AKAP10: variants seen among roughly 807,000 people sequenced by gnomAD.
AKAP10 encodes the protein A-kinase anchoring protein 10, also known as A-kinase anchor protein 10, mitochondrial.
A neutral mutation model predicts 80.8 loss-of-function variants in AKAP10; 24 were observed. The observed-to-expected ratio is 0.30, with a 90% CI of 0.22 to 0.42. AKAP10 has a LOEUF of 0.42. AKAP10 is among the 10% of genes least tolerant of loss of function. The probability of loss-of-function intolerance (pLI) is 1.00; values close to 1 mark genes in which losing one functional copy is unlikely to be tolerated. For synonymous variants in AKAP10, 291 were observed against 277.7 expected (o/e 1.05, Z -0.48); for missense variants, 661 against 794.9 (o/e 0.83, Z 2.03).
intron 5 of AKAP10, among the ~76,000 whole-genome samples, chr17:19,946,265 ATATATATATATTTTT>A (rs2043124946): frequency 3.6e-5 from 1 of 27,436 alleles, no homozygotes; most frequent in Non-Finnish European, 6.1e-5. Context: ...ATATATATAT[ATATATATATATTTTT>A]TTTTTTTTTT....
At chr17:19,957,328 T>C (rs1358989708) in intron 4 of AKAP10, among the ~76,000 whole-genome samples, 1 of 151,916 alleles carries the variant, frequency 6.6e-6, no homozygotes, top group Non-Finnish European at 1.5e-5. Context: ...GATCACAAAG[T>C]CAGGAGATCG....
intron 12 of AKAP10, among the ~76,000 whole-genome samples, chr17:19,913,233 A>C (rs1292438807): frequency 6.8e-6 from 1 of 146,796 alleles, no homozygotes; most frequent in Admixed American, 7.0e-5. Flanking sequence ...AGCTCATTGC[A>C]ACCTCCGCCT....
chr17:19,944,727 C>T (rs1394609304), intron 5 of AKAP10, among the ~76,000 whole-genome samples: 2 of 152,154 alleles, frequency 1.3e-5, no homozygotes, highest in Admixed American at 6.5e-5. Context: ...CACTCACTTC[C>T]AAACCATCAG....
chr17:19,922,376 G>A lies in AKAP10; in HGVS notation c.1751+2032C>T, dbSNP rs572603840. 2.6e-5 allele frequency among the ~76,000 whole-genome samples: 4 copies of A among 152,224 alleles called. No individual in the cohort carries two copies. In the East Asian group the frequency reaches 7.7e-4, roughly 29 times the overall value. ...CTTGCCTTGAGAAAAATTTCAGAAAGATGCTAAAATCATAAAACTAAAACA... is the reference window on the plus strand; with the variant it reads ...CTTGCCTTGAGAAAAATTTCAGAAAAATGCTAAAATCATAAAACTAAAACA... On this transcript the variant is annotated intron_variant, in intron 11 of 14. Coordinates refer to ENST00000225737, the MANE Select transcript of AKAP10 (RefSeq NM_007202.4).
intron 7 of AKAP10, among the ~76,000 whole-genome samples, 165 bp from the exon 8 acceptor site, chr17:19,940,014 A>G (rs893500211): frequency 2.6e-5 from 4 of 152,256 alleles, no homozygotes; most frequent in Non-Finnish European, 5.9e-5. Flanking sequence ...TTGAGATTGA[A>G]AAGTTTTAAA....
intron 4 of AKAP10, among the ~76,000 whole-genome samples, chr17:19,957,205 G>T (rs1417634200): frequency 6.6e-6 from 1 of 152,084 alleles, no homozygotes; most frequent in Non-Finnish European, 1.5e-5. Context: ...CAACCTAGAG[G>T]AAGTTACCTA....
At chr17:19,975,187 C>T (rs562635547) in intron 1 of AKAP10, among the ~76,000 whole-genome samples, 74 of 152,214 alleles carry the variant, frequency 4.9e-4, no homozygotes, top group Non-Finnish European at 9.3e-4. Context: ...CCATCATACC[C>T]AGCAATTTTT....
At chr17:19,948,852 A>G (rs1040646611) in intron 4 of AKAP10, among the ~76,000 whole-genome samples, 2 of 152,198 alleles carry the variant, frequency 1.3e-5, no homozygotes, top group Non-Finnish European at 2.9e-5. Flanking sequence ...GCACATAAGC[A>G]GATAAGATAC....
chr17:19,973,590 A>G (rs1399871456), intron 1 of AKAP10, among the ~76,000 whole-genome samples: 11 of 152,226 alleles, frequency 7.2e-5, no homozygotes, highest in East Asian at 5.8e-4. Flanking sequence ...AATATATACC[A>G]TAAGTATCAA....
Position 19,931,826 on chromosome 17 carries a change from A to C in AKAP10, c.1620T>G (p.Ser540Arg), listed in dbSNP as rs764380734. ...VGPPDESHPGSSDSSASQSSV... is the reference protein window; with the variant it reads ...VGPPDESHPGRSDSSASQSSV... Reference sequence around the variant, plus strand: ...ATACCTGAGACGCAGAGCTGTCAGAACTCCCTGGGTGAGACTCATCAGGAG... The same window carrying C: ...ATACCTGAGACGCAGAGCTGTCAGACCTCCCTGGGTGAGACTCATCAGGAG... The change falls in exon 10 of 15, where the codon AGT becomes AGG. Residue 540 changes from serine to arginine, a missense_variant. Ser to Arg is a moderately radical substitution (Grantham distance 110). Coordinates refer to ENST00000225737, the MANE Select transcript of AKAP10 (RefSeq NM_007202.4). 3 of 1,613,436 alleles carry C rather than the reference A, an allele frequency of 1.9e-6. No individual in the cohort carries two copies. Among genetic ancestry groups the C allele is most frequent in the Non-Finnish European group, 2.5e-6 (3 of 1,179,848 alleles).
At chr17:19,964,996 A>G (rs2043399380) in intron 2 of AKAP10, among the ~76,000 whole-genome samples, 1 of 152,242 alleles carries the variant, frequency 6.6e-6, no homozygotes, top group African/African-American at 2.4e-5. Context: ...CTCCTAGGGT[A>G]CACCTCTGTG....
At chr17:19,975,483 T>C (rs76886618) in intron 1 of AKAP10, among the ~76,000 whole-genome samples, 15,020 of 152,250 alleles carry the variant, frequency 0.099, 812 homozygotes, top group Non-Finnish European at 0.12. Context: ...CTGGCCTCTC[T>C]AGTTACCTCC....
intron 9 of AKAP10, among the ~76,000 whole-genome samples, chr17:19,933,679 T>G (rs1186394223): frequency 1.3e-5 from 2 of 152,196 alleles, no homozygotes; most frequent in African/African-American, 4.8e-5. Flanking sequence ...GCTGACACTC[T>G]ATTCTGTTTA....
intron 5 of AKAP10, among the ~76,000 whole-genome samples, chr17:19,946,511 A>C (rs2043134115): frequency 1.3e-5 from 2 of 150,282 alleles, no homozygotes; most frequent in Non-Finnish European, 3.0e-5. Flanking sequence ...GTTCTTTAGA[A>C]GTTAAAATGA....
Position 19,958,474 on chromosome 17 carries a change from GAAGT to G in AKAP10, c.413_416del (p.Tyr138SerfsTer14). On this transcript the variant is annotated frameshift_variant, in exon 4 of 15. Coordinates refer to ENST00000225737, the MANE Select transcript of AKAP10 (RefSeq NM_007202.4). LOFTEE classifies it high-confidence loss of function. ...TTCGCCGAAGTTCCATGAATTGAAT[GAAGT>G]AAGGGAGGACAATAGTGTCGTGCAA... The G allele has an allele frequency of 6.2e-7, 1 of 1,614,026 alleles. No individual in the cohort carries two copies. Among genetic ancestry groups the G allele is most frequent in the Non-Finnish European group, 8.5e-7 (1 of 1,180,048 alleles).
intron 5 of AKAP10, 105 bp from the exon 6 acceptor site, chr17:19,942,015 G>A (rs1018198842): frequency 1.2e-6 from 1 of 816,746 alleles, no homozygotes; most frequent in South Asian, 3.7e-5. Flanking sequence ...TAAATTAAGA[G>A]GTTTTAAATA....
In AKAP10 at chr17:19,919,946, T is replaced by C. The variant is rs1899469021; in HGVS notation, c.1834+90A>G. 4 of 1,107,666 alleles carry C rather than the reference T, an allele frequency of 3.6e-6. No individual in the cohort carries two copies. The African/African-American group carries it at 4.7e-5, about 13-fold the overall frequency. 68.6% of individuals were successfully genotyped at this position (1,107,666 alleles called of 1,614,324 possible). On this transcript the variant is annotated intron_variant, in intron 12 of 14. Transcript: ENST00000225737. ...AAGATACAGTGGTTACTTTACAAAA[T>C]AAACAGTTTAAACCTTAAGTGGTCT...
At chr17:19,936,585 T>C (rs1383044975) in intron 8 of AKAP10, among the ~76,000 whole-genome samples, 155 bp from the exon 9 acceptor site, 4 of 152,222 alleles carry the variant, frequency 2.6e-5, no homozygotes, top group African/African-American at 7.2e-5. Flanking sequence ...ATGTAACCTT[T>C]CTTTGTTCCC....
At chr17:19,929,017 G>C (rs992566110) in intron 10 of AKAP10, among the ~76,000 whole-genome samples, 8 of 152,034 alleles carry the variant, frequency 5.3e-5, no homozygotes, top group African/African-American at 1.9e-4. Context: ...GCCATAATGA[G>C]GAATAAAATT....
Sources: allele counts gnomAD v4.1 joint callset (sites outside exome capture counted in the v4.1 genomes callset), GRCh38; gene constraint gnomAD v4.1.1; transcripts MANE v1.5; gene names NCBI Gene and HGNC (gene_info 2026-07-23, HGNC 2026-07-21).